The following HSD17B12 variants were observed in gnomAD, a reference collection of about 807,000 sequenced individuals.
The protein encoded by HSD17B12 is hydroxysteroid 17-beta dehydrogenase 12.
A neutral mutation model predicts 39.3 loss-of-function variants in HSD17B12; 32 were observed. That is an observed-to-expected ratio of 0.81 (90% CI 0.61 to 1.09). The LOEUF (loss-of-function observed/expected upper bound fraction) is 1.09, where lower values mean the gene tolerates loss of function less well. Among genes scored for constraint, HSD17B12 ranks in the 50% least tolerant of loss-of-function variants. The probability of loss-of-function intolerance (pLI) is 0.00; values close to 1 mark genes in which losing one functional copy is unlikely to be tolerated. For synonymous variants in HSD17B12, 150 were observed against 146.7 expected (o/e 1.02, Z -0.16); for missense variants, 342 against 382.9 (o/e 0.89, Z 0.89).
intron 1 of HSD17B12, among the ~76,000 whole-genome samples, chr11:43,716,061 T>C (rs1950120006): frequency 6.6e-6 from 1 of 152,250 alleles, no homozygotes; most frequent in South Asian, 2.1e-4. Context: ...AATTGTGTTC[T>C]GAAAACTAAG....
chr11:43,807,397 C>T (rs1455897500), intron 4 of HSD17B12, among the ~76,000 whole-genome samples: 1 of 152,040 alleles, frequency 6.6e-6, no homozygotes, highest in East Asian at 1.9e-4. Flanking sequence ...TACAAAAGGC[C>T]TGATGTGAAT....
At chr11:43,680,149 C>T (rs112361949), upstream of HSD17B12, among the ~76,000 whole-genome samples, 1,572 of 122,552 alleles carry the variant, frequency 0.013, 8 homozygotes, top group South Asian at 0.033. Flanking sequence ...GATCTCGGCT[C>T]ACTGCAACCT....
chr11:43,702,818 TC>T (rs1949977427), intron 1 of HSD17B12, among the ~76,000 whole-genome samples: 1 of 152,164 alleles, frequency 6.6e-6, no homozygotes, highest in Admixed American at 6.5e-5. Context: ...CAATTTTTTT[TC>T]TTTTTTTTAA....
At chr11:43,836,340 T>C (rs1046841375) in intron 7 of HSD17B12, among the ~76,000 whole-genome samples, 1 of 152,176 alleles carries the variant, frequency 6.6e-6, no homozygotes, top group Non-Finnish European at 1.5e-5. Context: ...ACAAGGATGC[T>C]TAGGATGCAG....
At chr11:43,590,658 A>C in the HSD17B12 span, among the ~76,000 whole-genome samples, 4 of 151,192 alleles carry the variant, frequency 2.6e-5, no homozygotes, top group African/African-American at 9.7e-5. Context: ...CTACAGGTAC[A>C]TGCCACCATG....
intron 3 of HSD17B12, among the ~76,000 whole-genome samples, chr11:43,774,675 C>G (rs1950682156): frequency 6.6e-6 from 1 of 152,164 alleles, no homozygotes; most frequent in African/African-American, 2.4e-5. Context: ...GAAATCAACT[C>G]ATTGAATCCT....
rs777037615 is a variant in HSD17B12, at chr11:43,750,954, A to G, written c.204A>G (p.Glu68=). The change falls in exon 2 of 11, where the codon GAA becomes GAG. Residue 68 remains glutamate, a synonymous_variant. Coordinates refer to ENST00000278353, the MANE Select transcript of HSD17B12 (RefSeq NM_016142.3). ...STDGIGKSYA[E]ELAKHGMKVV... ...ATGGAATTGGAAAATCATATGCAGAAGAGGTAGGTGATTTTCAAGATCTTT... is the reference window on the plus strand; with the variant it reads ...ATGGAATTGGAAAATCATATGCAGAGGAGGTAGGTGATTTTCAAGATCTTT... The G allele has an allele frequency of 6.3e-7, 1 of 1,593,142 alleles. No individual in the cohort carries two copies. Among genetic ancestry groups the G allele is most frequent in the Admixed American group, 1.7e-5 (1 of 58,904 alleles).
At chr11:43,721,188 A>C (rs1950173055) in intron 1 of HSD17B12, among the ~76,000 whole-genome samples, 1 of 152,022 alleles carries the variant, frequency 6.6e-6, no homozygotes, top group Non-Finnish European at 1.5e-5. Context: ...GGAATAAAGC[A>C]AGAATCTGGG....
the HSD17B12 span, among the ~76,000 whole-genome samples, chr11:43,648,970 G>A: frequency 2.0e-5 from 3 of 152,210 alleles, no homozygotes; most frequent in Non-Finnish European, 2.9e-5. Flanking sequence ...GACCTCAGGC[G>A]TTCCGCCTGC....
At chr11:43,786,451 C>G (rs1950816701) in intron 3 of HSD17B12, among the ~76,000 whole-genome samples, 1 of 152,104 alleles carries the variant, frequency 6.6e-6, no homozygotes, top group South Asian at 2.1e-4. Flanking sequence ...TGCTTTGATT[C>G]TTGTTTAGGT....
chr11:43,686,018 G>A (rs1218307832), intron 1 of HSD17B12, among the ~76,000 whole-genome samples: 1 of 152,206 alleles, frequency 6.6e-6, no homozygotes, highest in Non-Finnish European at 1.5e-5. Flanking sequence ...AGTTACTAAG[G>A]TGCTTAACAA....
chr11:43,781,824 ATAT>A (rs1449023039), intron 3 of HSD17B12, among the ~76,000 whole-genome samples: 3 of 152,214 alleles, frequency 2.0e-5, no homozygotes, highest in African/African-American at 7.2e-5. Context: ...TGTTAGTCAC[ATAT>A]TTATAAGCTG....
chr11:43,828,534 G>T (rs939568106), intron 6 of HSD17B12, among the ~76,000 whole-genome samples: 4 of 150,238 alleles, frequency 2.7e-5, no homozygotes, highest in Non-Finnish European at 4.5e-5. Flanking sequence ...TGGAAATCAT[G>T]TTTACTACTA....
chr11:43,710,982 A>G (rs550189466), intron 1 of HSD17B12, among the ~76,000 whole-genome samples: 5 of 152,148 alleles, frequency 3.3e-5, no homozygotes, highest in Admixed American at 1.3e-4. Flanking sequence ...TAGTAGAGAT[A>G]GGGTTTCACT....
chr11:43,684,171 C>A (rs1852446226), intron 1 of HSD17B12, among the ~76,000 whole-genome samples: 1 of 152,244 alleles, frequency 6.6e-6, no homozygotes, highest in Non-Finnish European at 1.5e-5. Context: ...GGTGAATCCC[C>A]TGTGTTCCCT....
chr11:43,813,231 T>C (rs994045738), intron 4 of HSD17B12, among the ~76,000 whole-genome samples: 1 of 152,180 alleles, frequency 6.6e-6, no homozygotes, highest in Non-Finnish European at 1.5e-5. Flanking sequence ...TTTGTACTTA[T>C]AGTACATGTA....
intron 3 of HSD17B12, among the ~76,000 whole-genome samples, chr11:43,768,548 A>C (rs1291005954): frequency 6.6e-6 from 1 of 152,070 alleles, no homozygotes; most frequent in Admixed American, 6.6e-5. Flanking sequence ...ATAGCGCTTA[A>C]AGATGGTGTG....
the HSD17B12 span, among the ~76,000 whole-genome samples, chr11:43,583,942 C>G: frequency 6.6e-6 from 1 of 152,086 alleles, no homozygotes. Context: ...CTTAACTTTG[C>G]CTATGTTAAA....
At chr11:43,834,810 A>AG (rs1224105073) in intron 7 of HSD17B12, among the ~76,000 whole-genome samples, 1 of 152,142 alleles carries the variant, frequency 6.6e-6, no homozygotes, top group Admixed American at 6.6e-5. Flanking sequence ...GGCTTGTGGG[A>AG]GGACTAGTAA....
Sources: allele counts gnomAD v4.1 joint callset (sites outside exome capture counted in the v4.1 genomes callset), GRCh38; gene constraint gnomAD v4.1.1; transcripts MANE v1.5; gene names NCBI Gene and HGNC (gene_info 2026-07-23, HGNC 2026-07-21).